Variants in POLA1 observed in about 807,000 individuals in gnomAD.
POLA1 encodes DNA polymerase alpha catalytic subunit.
Under a neutral mutation model 124.0 loss-of-function variants are expected in POLA1, and 15 were observed. That is an observed-to-expected ratio of 0.12 (90% confidence interval 0.08 to 0.19). The LOEUF (loss-of-function observed/expected upper bound fraction) is 0.19. POLA1 is among the 10% of genes least tolerant of loss of function. The pLI is 1.00. For synonymous variants in POLA1, 408 were observed against 389.4 expected, an observed-to-expected ratio of 1.05 and a Z score of -0.56; for missense variants, 886 against 1,103.4, an observed-to-expected ratio of 0.80 and a Z score of 2.79.
intron 34 of POLA1, among the ~76,000 whole-genome samples, chrX:24,866,336 G>A (rs1178479236): frequency 3.6e-5 from 4 of 111,723 alleles, no homozygotes; most frequent in East Asian, 5.6e-4. Context: ...GCTTCTGACC[G>A]CTGGCTATTC....
chrX:24,959,262 A>G (rs1313008115), intron 36 of POLA1, among the ~76,000 whole-genome samples: 5 of 111,309 alleles, frequency 4.5e-5, no homozygotes, highest in African/African-American at 1.3e-4. Context: ...TCAGGAGTTC[A>G]AGACCAGCCT....
At chrX:24,845,089 T>C (rs942542725) in intron 34 of POLA1, among the ~76,000 whole-genome samples, 5 of 112,256 alleles carry the variant, frequency 4.5e-5, no homozygotes, top group African/African-American at 1.3e-4. Flanking sequence ...AATGATCTTC[T>C]GTATAGCTAG....
At chrX:24,872,022 T>C (rs1004835258) in intron 34 of POLA1, among the ~76,000 whole-genome samples, 3 of 111,676 alleles carry the variant, frequency 2.7e-5, no homozygotes, top group African/African-American at 9.8e-5. Context: ...GTCCATGGAC[T>C]TAGATCCTTG....
At chrX:24,883,576 A>G (rs1377766884) in intron 34 of POLA1, among the ~76,000 whole-genome samples, 1 of 112,274 alleles carries the variant, frequency 8.9e-6, no homozygotes, top group Non-Finnish European at 1.9e-5. Context: ...ACAATTTCAT[A>G]CACAATGATT....
intron 36 of POLA1, among the ~76,000 whole-genome samples, chrX:24,942,349 A>G (rs1432460986): frequency 2.7e-5 from 3 of 111,760 alleles, no homozygotes; most frequent in Non-Finnish European, 5.6e-5. Flanking sequence ...TTCTTAATCT[A>G]TTAGGGAAAC....
chrX:24,705,017 A>AT (rs763839825), intron 4 of POLA1, among the ~76,000 whole-genome samples: 25 of 110,068 alleles, frequency 2.3e-4, no homozygotes, highest in Admixed American at 2.0e-3. Context: ...TCTCTTCAGT[A>AT]TTTTTTTTTG....
intron 26 of POLA1, among the ~76,000 whole-genome samples, chrX:24,771,277 C>T (rs1050365354): frequency 1.8e-5 from 2 of 111,360 alleles, no homozygotes; most frequent in Non-Finnish European, 1.9e-5. Flanking sequence ...TCTTTTTGAT[C>T]ACAATACGAT....
chrX:24,900,685 A>G (rs752752533), intron 35 of POLA1, among the ~76,000 whole-genome samples: 1 of 111,764 alleles, frequency 8.9e-6, no homozygotes, highest in Non-Finnish European at 1.9e-5. Flanking sequence ...CCTCTGTGCT[A>G]TCCTTCATTG....
At chrX:24,917,039 C>CA (rs2047543615) in intron 35 of POLA1, among the ~76,000 whole-genome samples, 2 of 112,137 alleles carry the variant, frequency 1.8e-5, no homozygotes, top group Non-Finnish European at 3.8e-5. Context: ...CATGGTGGCT[C>CA]ACGCCTATAA....
Position 24,741,489 on chromosome X carries a change from C to T in POLA1, c.2331C>T (p.Ile777=), listed in dbSNP as rs769365312. 5.8e-6 allele frequency: 7 copies of T among 1,203,629 alleles called. No homozygotes were observed. The highest frequency in any genetic ancestry group is 2.3e-4 in the Middle Eastern group (1 of 4,329). Residue 777 remains isoleucine, a synonymous_variant, in exon 21 of 37, where the codon ATC becomes ATT. Coordinates refer to ENST00000379068, the MANE Select transcript of POLA1 (RefSeq NM_001330360.2). Reference sequence around the variant, plus strand: ...CATTAGCATTGCAGATCACTAACATCGCTGGGAACATTATGGTAAATTTAA... The same window carrying T: ...CATTAGCATTGCAGATCACTAACATTGCTGGGAACATTATGGTAAATTTAA... ...VLPLALQITN[I]AGNIMSRTLM... is the part of the protein sequence containing the mutation.
chrX:24,743,791 C>T (rs1335689173), intron 23 of POLA1, among the ~76,000 whole-genome samples: 1 of 112,105 alleles, frequency 8.9e-6, no homozygotes, highest in Non-Finnish European at 1.9e-5. Flanking sequence ...CAGACAATAA[C>T]CACCAAATTT....
intron 4 of POLA1, among the ~76,000 whole-genome samples, chrX:24,708,225 C>T (rs910661771): frequency 1.8e-5 from 2 of 111,282 alleles, no homozygotes; most frequent in Non-Finnish European, 3.8e-5. Context: ...TGTTCATACA[C>T]TATCAAGACC....
intron 36 of POLA1, among the ~76,000 whole-genome samples, chrX:24,964,488 C>T (rs2048201517): frequency 8.9e-6 from 1 of 112,828 alleles, no homozygotes; most frequent in Non-Finnish European, 1.9e-5. Context: ...AGCTTACTGC[C>T]TTGCGCAGAG....
intron 19 of POLA1, among the ~76,000 whole-genome samples, chrX:24,737,950 A>C (rs1325460262): frequency 6.1e-5 from 6 of 98,899 alleles, no homozygotes; most frequent in Admixed American, 6.1e-4. Flanking sequence ...GCGGTGGCTC[A>C]AGCCTGTAAT....
At chrX:24,813,382 CCTT>C (rs778193339) in intron 29 of POLA1, among the ~76,000 whole-genome samples, 1 of 111,768 alleles carries the variant, frequency 8.9e-6, no homozygotes, top group Admixed American at 9.5e-5. Flanking sequence ...GTTAAGGGCT[CCTT>C]CTCAAATCCT....
chrX:24,824,848 T>G (rs1416577965), intron 31 of POLA1, among the ~76,000 whole-genome samples: 1 of 111,621 alleles, frequency 9.0e-6, no homozygotes, highest in Admixed American at 9.5e-5. Context: ...AAAACCATGC[T>G]TTACTATGAG....
At chrX:24,896,712 A>G (rs1222092215) in intron 35 of POLA1, among the ~76,000 whole-genome samples, 1 of 112,123 alleles carries the variant, frequency 8.9e-6, no homozygotes, top group African/African-American at 3.2e-5. Flanking sequence ...ACATGTAGCA[A>G]TGGCTGTGAT....
intron 32 of POLA1, among the ~76,000 whole-genome samples, chrX:24,831,621 A>G (rs2046262732): frequency 1.8e-5 from 2 of 110,793 alleles, no homozygotes; most frequent in Admixed American, 9.5e-5. Flanking sequence ...GGGTTTCACC[A>G]TGTTGGCCAG....
chrX:24,774,584 C>T (rs1443789839), intron 26 of POLA1, among the ~76,000 whole-genome samples: 12 of 111,228 alleles, frequency 1.1e-4, no homozygotes, highest in Admixed American at 9.6e-4. Flanking sequence ...ATTCTAATCC[C>T]CTGGGAAGGA....
Sources: gnomAD v4.1 joint callset for allele counts (sites outside exome capture counted in the v4.1 genomes callset) on GRCh38, gnomAD v4.1.1 for gene constraint, MANE v1.5 for transcripts, NCBI Gene and HGNC (gene_info 2026-07-23, HGNC 2026-07-21) for gene names.